Variants in ERBB4 observed in about 807,000 individuals in gnomAD.
ERBB4 encodes the protein erb-b2 receptor tyrosine kinase 4, also known as receptor tyrosine-protein kinase erbB-4.
A neutral mutation model predicts 158.0 loss-of-function variants in ERBB4; 42 were observed. The ratio of observed to expected loss-of-function variants is 0.27; its 90% confidence interval spans 0.21 to 0.34. The LOEUF (loss-of-function observed/expected upper bound fraction) is 0.34. Among genes scored for constraint, ERBB4 ranks in the 10% least tolerant of loss-of-function variants. The pLI is 1.00. For synonymous variants in ERBB4, 583 were observed against 558.7 expected (o/e 1.04, Z -0.61); for missense variants, 1,333 against 1,624.1 (o/e 0.82, Z 3.08).
chr2:211,722,146 C>T (rs926819919), intron 7 of ERBB4, among the ~76,000 whole-genome samples: 1 of 152,150 alleles, frequency 6.6e-6, no homozygotes, highest in Non-Finnish European at 1.5e-5. Context: ...CAGGTGTGAG[C>T]CAGTGCGCCC....
chr2:212,148,836 TA>T (rs1434762865), intron 1 of ERBB4, among the ~76,000 whole-genome samples: 3 of 144,946 alleles, frequency 2.1e-5, no homozygotes, highest in South Asian at 2.3e-4. Flanking sequence ...TATGCAGCCA[TA>T]AAAAATGATG....
intron 12 of ERBB4, among the ~76,000 whole-genome samples, chr2:211,701,509 C>T (rs1185644922): frequency 6.6e-6 from 1 of 152,154 alleles, no homozygotes; most frequent in East Asian, 1.9e-4. Context: ...GTAATCCCAG[C>T]ACTTTGGGAG....
chr2:212,523,696 G>A (rs572189393), intron 1 of ERBB4, among the ~76,000 whole-genome samples: 120 of 152,040 alleles, frequency 7.9e-4, no homozygotes, highest in Non-Finnish European at 1.5e-3. Context: ...ATTTTTAGAG[G>A]CTATGAAAAG....
At chr2:211,701,573 A>G (rs984638627) in intron 12 of ERBB4, among the ~76,000 whole-genome samples, 11 of 151,794 alleles carry the variant, frequency 7.2e-5, no homozygotes, top group Non-Finnish European at 1.2e-4. Context: ...TGGCTAACAC[A>G]GCGAAACCCC....
chr2:212,218,139 C>G (rs1349948478), intron 1 of ERBB4, among the ~76,000 whole-genome samples: 1 of 151,290 alleles, frequency 6.6e-6, no homozygotes, highest in African/African-American at 2.4e-5. Context: ...CTAACGAGAG[C>G]TGCTTTAGAA....
chr2:212,291,694 T>C (rs2086211609), intron 1 of ERBB4, among the ~76,000 whole-genome samples: 1 of 152,036 alleles, frequency 6.6e-6, no homozygotes, highest in Non-Finnish European at 1.5e-5. Context: ...TTAGAGATTT[T>C]TGGGGTTTTT....
In ERBB4 at chr2:211,861,124, T is replaced by TATATATA. The variant is rs1553648445; in HGVS notation, c.422-72966_422-72965insTATATAT. Reference sequence around the variant, plus strand: ...CATTATATATATTTATATATATATTTTATATATATATATATATATATATAT... The same window carrying TATATATA: ...CATTATATATATTTATATATATATTTATATATATATATATATATATATATATATATAT... On this transcript the variant is annotated intron_variant, in intron 3 of 27. Transcript: ENST00000342788. 3.9e-4 allele frequency among the ~76,000 whole-genome samples: 8 copies of TATATATA among 20,258 alleles called. 1 individual carries two copies. The highest frequency in any genetic ancestry group is 1.8e-3 in the African/African-American group (8 of 4,394). 13.3% of individuals were successfully genotyped at this position (20,258 alleles called of 152,430 possible).
chr2:212,391,703 T>A (rs1038862282), intron 1 of ERBB4, among the ~76,000 whole-genome samples: 1 of 90,684 alleles, frequency 1.1e-5, no homozygotes, highest in East Asian at 2.2e-4. Flanking sequence ...TATTATATAT[T>A]ATATATATTG....
Position 212,374,103 on chromosome 2 carries a change from T to C in ERBB4, c.82+164346A>G, listed in dbSNP as rs868482031. ...ATCCATATATATCCATATATATATATACACACACATATATAGCTACTGTGA... is the reference window on the plus strand; with the variant it reads ...ATCCATATATATCCATATATATATACACACACACATATATAGCTACTGTGA... On this transcript the variant is annotated intron_variant, in intron 1 of 27. Coordinates refer to ENST00000342788, the MANE Select transcript of ERBB4 (RefSeq NM_005235.3). Among the ~76,000 whole-genome samples, 16 of 146,092 alleles carry C rather than the reference T, an allele frequency of 1.1e-4. 1 individual carries two copies. The highest frequency in any genetic ancestry group is 4.3e-4 in the South Asian group (2 of 4,696).
At chr2:212,491,554 G>A (rs1690277770) in intron 1 of ERBB4, among the ~76,000 whole-genome samples, 1 of 151,474 alleles carries the variant, frequency 6.6e-6, no homozygotes, top group African/African-American at 2.4e-5. Context: ...GCTTGAAATA[G>A]GTCTATCTTG....
chr2:211,960,229 G>A (rs1420999899), intron 2 of ERBB4, among the ~76,000 whole-genome samples: 1 of 152,104 alleles, frequency 6.6e-6, no homozygotes, highest in African/African-American at 2.4e-5. Flanking sequence ...ATAGCAGATA[G>A]TGAGGAAGCT....
At position 212,051,727 on chromosome 2, in the gene ERBB4, T is replaced by C. The variant is rs556404348; in HGVS notation, c.234+73025A>G. Among the ~76,000 whole-genome samples, 9 of 152,336 alleles carry C rather than the reference T, an allele frequency of 5.9e-5. No homozygotes were observed. In the South Asian group the frequency reaches 1.4e-3, roughly 25 times the overall value. The stretch of plus-strand genomic sequence containing the variant: ...TCTTGACTATGGCTTCCCCCATAGA[T>C]TTTGATTTTCTTTCACTCATCATGT... On this transcript the variant is annotated intron_variant, in intron 2 of 27. Transcript: ENST00000342788.
chr2:211,775,794 C>T lies in ERBB4; in HGVS notation c.556+12231G>A, dbSNP rs1229488616. ...ATCCTCCTTGAGCCCTCAGATTTCA[C>T]AAAGGTTTTCATGAGATTTCCTGGA... On this transcript the variant is annotated intron_variant, in intron 4 of 27. Coordinates refer to ENST00000342788, the MANE Select transcript of ERBB4 (RefSeq NM_005235.3). 2.6e-5 allele frequency among the ~76,000 whole-genome samples: 4 copies of T among 152,202 alleles called. No individual in the cohort carries two copies. The East Asian group carries it at 7.7e-4, about 29-fold the overall frequency.
At chr2:212,435,176 C>T (rs142151930) in intron 1 of ERBB4, among the ~76,000 whole-genome samples, 52 of 152,078 alleles carry the variant, frequency 3.4e-4, no homozygotes, top group African/African-American at 1.2e-3. Context: ...AAAAAGATGA[C>T]GTTGATATTC....
chr2:212,191,125 A>C (rs903540362), intron 1 of ERBB4, among the ~76,000 whole-genome samples: 2 of 152,146 alleles, frequency 1.3e-5, no homozygotes, highest in Admixed American at 6.6e-5. Flanking sequence ...AGTTTCATAA[A>C]ACAAGGGTTT....
At chr2:211,458,259 G>A (rs1426122630) in intron 20 of ERBB4, among the ~76,000 whole-genome samples, 2 of 151,732 alleles carry the variant, frequency 1.3e-5, no homozygotes, top group Non-Finnish European at 2.9e-5. Flanking sequence ...TGAGAGACAA[G>A]ACAATGAATA....
intron 1 of ERBB4, among the ~76,000 whole-genome samples, chr2:212,267,821 A>G (rs1574559161): frequency 6.6e-6 from 1 of 150,590 alleles, no homozygotes; most frequent in African/African-American, 2.4e-5. Context: ...TCATGGCCAG[A>G]CTTCAAAATT....
intron 4 of ERBB4, among the ~76,000 whole-genome samples, chr2:211,759,142 G>A (rs558094191): frequency 3.3e-5 from 5 of 151,968 alleles, no homozygotes; most frequent in South Asian, 2.1e-4. Flanking sequence ...GTTTTCTTTC[G>A]TCTTACAGCC....
intron 1 of ERBB4, among the ~76,000 whole-genome samples, chr2:212,406,847 G>A (rs572764969): frequency 6.6e-6 from 1 of 152,048 alleles, no homozygotes; most frequent in South Asian, 2.1e-4. Context: ...GTCTTCATGA[G>A]GTGACTCTCC....
Sources: gnomAD v4.1 joint callset for allele counts (sites outside exome capture counted in the v4.1 genomes callset) on GRCh38, gnomAD v4.1.1 for gene constraint, MANE v1.5 for transcripts, NCBI Gene and HGNC (gene_info 2026-07-23, HGNC 2026-07-21) for gene names.